Variants in DNAH11 observed in about 807,000 individuals in gnomAD.
DNAH11 encodes the protein axonemal beta dynein heavy chain 11.
A neutral mutation model predicts 526.0 loss-of-function variants in DNAH11; 442 were observed. That is an observed-to-expected ratio of 0.84 (90% CI 0.78 to 0.91). The LOEUF (loss-of-function observed/expected upper bound fraction) is 0.91. DNAH11 is among the 40% of genes least tolerant of loss of function. The pLI is 0.00. For synonymous variants in DNAH11, 2,461 were observed against 1,935.9 expected (o/e 1.27, Z -7.12); for missense variants, 6,989 against 5,448.7 (o/e 1.28, Z -8.90).
intron 45 of DNAH11, among the ~76,000 whole-genome samples, chr7:21,730,788 A>G (rs947314825): frequency 1.3e-5 from 2 of 152,172 alleles, no homozygotes; most frequent in Admixed American, 6.5e-5. Flanking sequence ...AATTAATAAC[A>G]ATGTGTAGTA....
chr7:21,795,390 A>T (rs1218592240), intron 61 of DNAH11, among the ~76,000 whole-genome samples: 8 of 151,518 alleles, frequency 5.3e-5, no homozygotes. Context: ...CTTTAGGGGA[A>T]CTCCTTGGAG....
At position 21,543,557 on chromosome 7, in the gene DNAH11, T is replaced by A. The variant is rs1782671228; in HGVS notation, c.312T>A (p.Phe104Leu). ...GCACCAGCCCGGCTTGCCTTGTGTT[T>A]AGCTTCGCCGCCTCGGGGCGCCTTG... ...LESTSPACLV[F>L]SFAASGRLAA... The change falls in exon 1 of 82, where the codon TTT becomes TTA. Residue 104 changes from phenylalanine (F) to leucine (L), a missense_variant. Coordinates refer to ENST00000409508, the MANE Select transcript of DNAH11 (RefSeq NM_001277115.2). 1 of 1,607,010 alleles carries A rather than the reference T, an allele frequency of 6.2e-7. No individual in the cohort carries two copies. The highest frequency in any genetic ancestry group is 1.7e-5 in the Admixed American group (1 of 59,086).
At chr7:21,801,098 A>G in intron 61 of DNAH11, 39 bp from the exon 62 acceptor site, 2 of 1,569,814 alleles carry the variant, frequency 1.3e-6, no homozygotes, top group South Asian at 2.3e-5. Context: ...CTCTGTTTTA[A>G]CTAAAAATGA....
At chr7:21,573,223 C>A (rs571284756) in intron 8 of DNAH11, among the ~76,000 whole-genome samples, 83 of 152,310 alleles carry the variant, frequency 5.4e-4, no homozygotes, top group African/African-American at 1.9e-3. Flanking sequence ...TAGTCACAAA[C>A]ATGTAGGAAT....
At chr7:21,691,408 C>G (rs1416169499) in intron 35 of DNAH11, among the ~76,000 whole-genome samples, 1 of 151,436 alleles carries the variant, frequency 6.6e-6, no homozygotes, top group Non-Finnish European at 1.5e-5. Context: ...CAGCCTGGTC[C>G]CACCCCTCCT....
At chr7:21,868,793 C>T (rs1783385000) in intron 72 of DNAH11, 71 bp from the exon 73 acceptor site, 2 of 1,590,836 alleles carry the variant, frequency 1.3e-6, no homozygotes, top group Admixed American at 3.4e-5. Context: ...GTGCATTAGA[C>T]CACAGAATTC....
rs149219755 is a variant in DNAH11, at chr7:21,656,220, C to G, written c.5094+239C>G. Among the ~76,000 whole-genome samples, 124 of 152,258 alleles carry G rather than the reference C, an allele frequency of 8.1e-4. No individual in the cohort carries two copies. The East Asian group carries it at 0.021, about 26-fold the overall frequency. ...GGTCTCAGAGACGCTAGGAATTGAG[C>G]TAGACAGAAGCAACTGTCACAGATT... On this transcript the variant is annotated intron_variant, in intron 29 of 81. Transcript: ENST00000409508.
intron 42 of DNAH11, among the ~76,000 whole-genome samples, 173 bp from the exon 43 acceptor site, chr7:21,717,600 CAA>C (rs1784714822): frequency 6.6e-6 from 1 of 152,010 alleles, no homozygotes; most frequent in South Asian, 2.1e-4. Context: ...GCCATTAAAA[CAA>C]GTTTTTAAAG....
chr7:21,838,061 T>C (rs28415111), intron 65 of DNAH11, among the ~76,000 whole-genome samples: 12,446 of 152,228 alleles, frequency 0.082, 1,686 homozygotes, highest in African/African-American at 0.28. Flanking sequence ...TGAATAGCAC[T>C]AACAAAGATT....
intron 57 of DNAH11, among the ~76,000 whole-genome samples, chr7:21,783,770 C>G (rs1330900754): frequency 6.6e-6 from 1 of 151,956 alleles, no homozygotes; most frequent in Non-Finnish European, 1.5e-5. Flanking sequence ...GCCACTGGAT[C>G]CACAAGAGGA....
intron 70 of DNAH11, among the ~76,000 whole-genome samples, 159 bp downstream of exon 70, chr7:21,864,816 T>C (rs1429623438): frequency 2.0e-5 from 3 of 152,226 alleles, no homozygotes; most frequent in African/African-American, 4.8e-5. Flanking sequence ...ATCTTTGTAT[T>C]ATTCAATTGG....
At chr7:21,705,074 G>A (rs1205710095) in intron 38 of DNAH11, among the ~76,000 whole-genome samples, 1 of 152,160 alleles carries the variant, frequency 6.6e-6, no homozygotes. Flanking sequence ...TGAATTCAGT[G>A]AATGCATGGA....
chr7:21,612,123 A>G (rs571872086), intron 20 of DNAH11, among the ~76,000 whole-genome samples: 3 of 152,332 alleles, frequency 2.0e-5, no homozygotes, highest in Non-Finnish European at 4.4e-5. Flanking sequence ...CTTAAAATGG[A>G]TAAATTTTTA....
intron 63 of DNAH11, among the ~76,000 whole-genome samples, chr7:21,811,666 G>C (rs1184991407): frequency 1.3e-5 from 2 of 152,096 alleles, no homozygotes; most frequent in African/African-American, 2.4e-5. Flanking sequence ...ACAACAATGT[G>C]AATGTACTTA....
chr7:21,553,279 T>C (rs1303552098), intron 2 of DNAH11, among the ~76,000 whole-genome samples: 2 of 152,052 alleles, frequency 1.3e-5, no homozygotes, highest in East Asian at 3.9e-4. Flanking sequence ...CCCACAATCA[T>C]GTTTTGACCC....
intron 49 of DNAH11, among the ~76,000 whole-genome samples, chr7:21,743,325 G>A (rs1439621787): frequency 6.6e-6 from 1 of 152,144 alleles, no homozygotes; most frequent in Non-Finnish European, 1.5e-5. Context: ...TTAAATAGTT[G>A]GATCATTTTG....
chr7:21,698,095 CT>C lies in DNAH11; in HGVS notation c.6063del (p.Asp2022ThrfsTer4). On this transcript the variant is annotated frameshift_variant, in exon 36 of 82. Transcript: ENST00000409508. LOFTEE classifies it high-confidence loss of function. ...ALFRPCAMVA[P>X]DIELICEILL... The stretch of plus-strand genomic sequence containing the variant: ...TTTAGACCCTGTGCCATGGTGGCCC[CT>C]GACATTGAGCTAATCTGTGAAATCT... 6.2e-7 allele frequency: 1 copy of C among 1,612,960 alleles called. No individual in the cohort carries two copies.
intron 61 of DNAH11, among the ~76,000 whole-genome samples, chr7:21,792,200 T>TA (rs1255911603): frequency 6.6e-6 from 1 of 152,228 alleles, no homozygotes; most frequent in African/African-American, 2.4e-5. Flanking sequence ...TTTATTCTCT[T>TA]AATGAGATAT....
At chr7:21,658,313 T>C (rs1308693438) in intron 29 of DNAH11, among the ~76,000 whole-genome samples, 4 of 152,146 alleles carry the variant, frequency 2.6e-5, no homozygotes, top group African/African-American at 9.6e-5. Flanking sequence ...CTGTGAACTA[T>C]GAAGATTTTA....
Sources: gnomAD v4.1 joint callset for allele counts (sites outside exome capture counted in the v4.1 genomes callset) on GRCh38, gnomAD v4.1.1 for gene constraint, MANE v1.5 for transcripts, NCBI Gene and HGNC (gene_info 2026-07-23, HGNC 2026-07-21) for gene names.